The following NRXN3 variants were observed in gnomAD, a reference collection of about 807,000 sequenced individuals.
NRXN3 encodes the protein neurexin III.
In NRXN3, 32 loss-of-function variants were observed where a neutral mutation model predicts 137.6. The observed-to-expected ratio is 0.23, with a 90% CI of 0.18 to 0.31. NRXN3 has a LOEUF of 0.31. Ranked by LOEUF, NRXN3 falls within the 10% of genes least tolerant of loss-of-function variation. The pLI is 1.00. For missense variants in NRXN3, 1,574 were observed against 2,062.5 expected (o/e 0.76, Z 4.59); for synonymous variants, 798 against 784.5 (o/e 1.02, Z -0.29).
intron 4 of NRXN3, among the ~76,000 whole-genome samples, chr14:78,523,643 C>CAAAAAAA (rs3036598): frequency 3.5e-3 from 269 of 77,458 alleles, no homozygotes; most frequent in Middle Eastern, 0.01. Context: ...ACTACAAATA[C>CAAAAAAA]AAAAAAAAAA....
chr14:78,182,406 G>A (rs534048132), intron 1 of NRXN3, among the ~76,000 whole-genome samples: 11 of 152,218 alleles, frequency 7.2e-5, no homozygotes, highest in African/African-American at 2.6e-4. Context: ...AATTAGGAAA[G>A]TACTGATAAT....
chr14:79,712,302 T>TA (rs1226222275), intron 19 of NRXN3, among the ~76,000 whole-genome samples: 2 of 152,208 alleles, frequency 1.3e-5, no homozygotes, highest in Non-Finnish European at 2.9e-5. Context: ...AGTTGAGCTT[T>TA]CTCATGCTCT....
intron 10 of NRXN3, among the ~76,000 whole-genome samples, chr14:78,922,841 A>G (rs1305927515): frequency 6.6e-6 from 1 of 152,176 alleles, no homozygotes; most frequent in Non-Finnish European, 1.5e-5. Context: ...TGTCCTGTAC[A>G]TGTATCCCAG....
At chr14:79,746,552 A>G (rs1388345180) in intron 19 of NRXN3, among the ~76,000 whole-genome samples, 1 of 152,110 alleles carries the variant, frequency 6.6e-6, no homozygotes, top group Non-Finnish European at 1.5e-5. Flanking sequence ...CAAAATACAT[A>G]CTTTTTCAAT....
At chr14:79,006,659 A>G (rs1033059726) in intron 15 of NRXN3, among the ~76,000 whole-genome samples, 15 of 152,292 alleles carry the variant, frequency 9.8e-5, no homozygotes, top group Non-Finnish European at 2.2e-4. Flanking sequence ...TCCAGACAGC[A>G]CATATTATTC....
intron 8 of NRXN3, among the ~76,000 whole-genome samples, chr14:78,743,062 C>T (rs1237069558): frequency 6.6e-6 from 1 of 152,142 alleles, no homozygotes; most frequent in East Asian, 1.9e-4. Flanking sequence ...CTGCTTTATG[C>T]AGGCAAGTGT....
At chr14:78,188,870 C>G (rs2060469215) in intron 1 of NRXN3, among the ~76,000 whole-genome samples, 1 of 152,192 alleles carries the variant, frequency 6.6e-6, no homozygotes, top group Non-Finnish European at 1.5e-5. Context: ...TTAGTGCTCT[C>G]AGAATGATGT....
rs191893101 is a variant in NRXN3 at position 79,157,364 on chromosome 14, G to A, written c.3262+169223G>A. On this transcript the variant is annotated intron_variant, in intron 15 of 20. Transcript: ENST00000335750. ...AAGCTCAGTGGTTACTGAAGCTGTCGGGAGTCTTACCACCTTGGGGTCACT... is the reference window on the plus strand; with the variant it reads ...AAGCTCAGTGGTTACTGAAGCTGTCAGGAGTCTTACCACCTTGGGGTCACT... Among the ~76,000 whole-genome samples the A allele has an allele frequency of 7.5e-4, 114 of 151,832 alleles. 1 individual carries two copies. The highest frequency in any genetic ancestry group is 2.1e-4 in the South Asian group (1 of 4,820).
intron 15 of NRXN3, among the ~76,000 whole-genome samples, chr14:79,420,631 T>C (rs1480258653): frequency 6.6e-6 from 1 of 152,124 alleles, no homozygotes; most frequent in African/African-American, 2.4e-5. Flanking sequence ...GACATGTCTG[T>C]CATTTTATAA....
At chr14:78,264,474 A>G (rs1345444510) in intron 2 of NRXN3, among the ~76,000 whole-genome samples, 1 of 152,144 alleles carries the variant, frequency 6.6e-6, no homozygotes, top group African/African-American at 2.4e-5. Flanking sequence ...AAATTAGGTC[A>G]GTGGCAGAGT....
At position 79,595,879 on chromosome 14, in the gene NRXN3, A is replaced by C. The variant is rs556476820; in HGVS notation, c.3445-67899A>C. On this transcript the variant is annotated intron_variant, in intron 16 of 20. Coordinates refer to ENST00000335750, the MANE Select transcript of NRXN3 (RefSeq NM_001330195.2). ...CTCTTGGACAGTGCTGAGCTAGTAC[A>C]TTCTGAAATATGTAGCAATTATTTC... Among the ~76,000 whole-genome samples the C allele has an allele frequency of 5.3e-5, 8 of 152,328 alleles. No individual in the cohort carries two copies. In the South Asian group the frequency reaches 1.2e-3, roughly 24 times the overall value.
rs549509823 is a variant in NRXN3 at position 79,436,903 on chromosome 14, C to T, written c.3263-30318C>T. The stretch of plus-strand genomic sequence containing the variant: ...TATCTACCTCCAGGCTTTATTGCAA[C>T]ACCTCCCACTGCCTCTCTCCTGGAC... On this transcript the variant is annotated intron_variant, in intron 15 of 20. Coordinates refer to ENST00000335750, the MANE Select transcript of NRXN3 (RefSeq NM_001330195.2). Among the ~76,000 whole-genome samples the T allele has an allele frequency of 2.6e-5, 4 of 152,298 alleles. No individual in the cohort carries two copies. The East Asian group carries it at 7.7e-4, about 29-fold the overall frequency.
intron 2 of NRXN3, among the ~76,000 whole-genome samples, chr14:78,250,924 C>G (rs1231533564): frequency 6.6e-6 from 1 of 151,900 alleles, no homozygotes; most frequent in Non-Finnish European, 1.5e-5. Context: ...TGGCCTGTCT[C>G]AGGGGCTTTG....
intron 4 of NRXN3, among the ~76,000 whole-genome samples, chr14:78,390,918 C>T (rs2090665631): frequency 6.6e-6 from 1 of 152,134 alleles, no homozygotes; most frequent in Non-Finnish European, 1.5e-5. Context: ...TAGCTCTTTT[C>T]CCTAATGCTC....
intron 4 of NRXN3, among the ~76,000 whole-genome samples, chr14:78,488,916 A>G (rs1429499188): frequency 2.0e-5 from 3 of 152,034 alleles, no homozygotes; most frequent in Non-Finnish European, 4.4e-5. Context: ...GGAGAGGTAA[A>G]GAAGAGAGAG....
intron 16 of NRXN3, among the ~76,000 whole-genome samples, chr14:79,556,282 C>T (rs2097428927): frequency 6.6e-6 from 1 of 152,062 alleles, no homozygotes; most frequent in South Asian, 2.1e-4. Context: ...GAGAGGTAAG[C>T]ACGGACAAGT....
intron 4 of NRXN3, among the ~76,000 whole-genome samples, chr14:78,644,678 T>C (rs763484262): frequency 2.0e-5 from 3 of 152,170 alleles, no homozygotes; most frequent in Non-Finnish European, 4.4e-5. Flanking sequence ...AATTTATTTT[T>C]AGTTATTGGT....
chr14:79,127,865 G>T (rs1439191810), intron 15 of NRXN3, among the ~76,000 whole-genome samples: 6 of 151,724 alleles, frequency 4.0e-5, no homozygotes, highest in Admixed American at 6.6e-5. Context: ...GCAGTGGTTT[G>T]TAGTTCTCCT....
intron 19 of NRXN3, among the ~76,000 whole-genome samples, chr14:79,802,189 T>C (rs1039251593): frequency 2.0e-5 from 3 of 152,354 alleles, no homozygotes; most frequent in Non-Finnish European, 2.9e-5. Context: ...ATTTGTTCAA[T>C]GGCCTTTAAA....
Sources: allele counts gnomAD v4.1 joint callset (sites outside exome capture counted in the v4.1 genomes callset), GRCh38; gene constraint gnomAD v4.1.1; transcripts MANE v1.5; gene names NCBI Gene and HGNC (gene_info 2026-07-23, HGNC 2026-07-21).